The following NDST4 variants were observed in gnomAD, a reference collection of about 807,000 sequenced individuals.
The protein encoded by NDST4 is N-heparan sulfate sulfotransferase 4.
A neutral mutation model predicts 100.8 loss-of-function variants in NDST4; 63 were observed. That is an observed-to-expected ratio of 0.62 (90% CI 0.51 to 0.77). The LOEUF (loss-of-function observed/expected upper bound fraction) is 0.77, where lower values mean the gene tolerates loss of function less well. Ranked by LOEUF, NDST4 falls within the 30% of genes least tolerant of loss-of-function variation. The probability of loss-of-function intolerance (pLI) is 0.00; values close to 1 mark genes in which losing one functional copy is unlikely to be tolerated. For synonymous variants in NDST4, 377 were observed against 361.8 expected, an observed-to-expected ratio of 1.04 and a Z score of -0.48; for missense variants, 943 against 1,018.4, an observed-to-expected ratio of 0.93 and a Z score of 1.01.
chr4:115,063,655 A>G (rs516919), intron 2 of NDST4, among the ~76,000 whole-genome samples: 37,926 of 151,462 alleles, frequency 0.25, 6,534 homozygotes, highest in African/African-American at 0.46. Flanking sequence ...ATTAATTGTC[A>G]AATTAATTAC....
intron 2 of NDST4, among the ~76,000 whole-genome samples, chr4:115,074,982 A>G (rs1344424411): frequency 2.0e-5 from 3 of 152,142 alleles, no homozygotes; most frequent in East Asian, 3.9e-4. Flanking sequence ...TACTGCATCA[A>G]GATTGTTTAA....
At chr4:115,031,692 A>G (rs1728119553) in intron 2 of NDST4, among the ~76,000 whole-genome samples, 1 of 152,140 alleles carries the variant, frequency 6.6e-6, no homozygotes, top group Non-Finnish European at 1.5e-5. Flanking sequence ...TCCAAACAGA[A>G]GAGAGTGAAA....
chr4:114,962,591 T>C (rs1726287888), intron 4 of NDST4, among the ~76,000 whole-genome samples: 1 of 152,008 alleles, frequency 6.6e-6, no homozygotes, highest in Non-Finnish European at 1.5e-5. Context: ...ATACTTAGGA[T>C]TGTATTTGAT....
chr4:114,935,356 C>T (rs369943838), intron 5 of NDST4, 22 bp from the exon 6 acceptor site: 4 of 1,540,098 alleles, frequency 2.6e-6, no homozygotes, highest in Non-Finnish European at 3.5e-6. Flanking sequence ...AGGGGAAAAA[C>T]AGCACATGGA....
chr4:114,981,268 A>AG (rs1368222353), intron 2 of NDST4, among the ~76,000 whole-genome samples: 7 of 149,504 alleles, frequency 4.7e-5, no homozygotes, highest in South Asian at 2.1e-4. Context: ...GAAGGAAGGA[A>AG]GAAAGCAGGA....
At chr4:114,859,828 G>A (rs1020218) in intron 7 of NDST4, among the ~76,000 whole-genome samples, 19,804 of 152,102 alleles carry the variant, frequency 0.13, 1,877 homozygotes, top group African/African-American at 0.25. Flanking sequence ...CTCTTTTCCC[G>A]TCTTTTCAGT....
chr4:114,949,986 C>T (rs1403405602), intron 4 of NDST4, among the ~76,000 whole-genome samples: 1 of 151,958 alleles, frequency 6.6e-6, no homozygotes, highest in Non-Finnish European at 1.5e-5. Context: ...TGTAAGAATA[C>T]TGATTTAGAA....
chr4:114,935,368 G>A (rs201656452), intron 5 of NDST4, 34 bp from the exon 6 acceptor site: 79 of 1,505,258 alleles, frequency 5.2e-5, no homozygotes, highest in Middle Eastern at 1.8e-4. Context: ...GCACATGGAC[G>A]TGATTTAATT....
chr4:114,839,645 T>G, intron 10 of NDST4, 97 bp from the exon 11 acceptor site: 1 of 1,010,184 alleles, frequency 9.9e-7, no homozygotes, highest in Non-Finnish European at 1.5e-6. Context: ...GTGTGTTTGG[T>G]GTGTATGTAT....
At chr4:115,070,114 A>T (rs1157206818) in intron 2 of NDST4, among the ~76,000 whole-genome samples, 1 of 152,162 alleles carries the variant, frequency 6.6e-6, no homozygotes, top group Non-Finnish European at 1.5e-5. Context: ...ACAAAGACAC[A>T]TACATGCATA....
At chr4:115,105,879 G>A (rs1729823679) in intron 1 of NDST4, among the ~76,000 whole-genome samples, 1 of 152,018 alleles carries the variant, frequency 6.6e-6, no homozygotes. Context: ...TAACTATACT[G>A]CTCCCTTTTA....
At chr4:115,037,078 T>A (rs901471478) in intron 2 of NDST4, among the ~76,000 whole-genome samples, 1 of 152,020 alleles carries the variant, frequency 6.6e-6, no homozygotes, top group East Asian at 1.9e-4. Context: ...AGAGATTTCA[T>A]GAAAAGAGGA....
intron 6 of NDST4, among the ~76,000 whole-genome samples, chr4:114,895,412 A>G (rs978599815): frequency 6.6e-6 from 1 of 152,194 alleles, no homozygotes; most frequent in East Asian, 1.9e-4. Flanking sequence ...CTGGAGGCAT[A>G]CACCCTACCA....
At chr4:115,058,851 C>G (rs189826423) in intron 2 of NDST4, among the ~76,000 whole-genome samples, 3 of 152,076 alleles carry the variant, frequency 2.0e-5, no homozygotes, top group Admixed American at 6.6e-5. Context: ...GTAAGAAAAG[C>G]TTAGCATTAA....
chr4:114,885,545 T>C (rs1352298802), intron 6 of NDST4, among the ~76,000 whole-genome samples: 1 of 152,122 alleles, frequency 6.6e-6, no homozygotes, highest in Non-Finnish European at 1.5e-5. Flanking sequence ...CAAAGTAATT[T>C]GTGTGCCTGA....
At chr4:114,917,677 C>CATAAAAACA (rs2126217694) in intron 6 of NDST4, among the ~76,000 whole-genome samples, 1 of 152,092 alleles carries the variant, frequency 6.6e-6, no homozygotes, top group South Asian at 2.1e-4. Flanking sequence ...AAAATAAAAG[C>CATAAAAACA]ATAAAAACAC....
At chr4:114,860,319 C>A (rs1287468327) in intron 7 of NDST4, among the ~76,000 whole-genome samples, 1 of 152,128 alleles carries the variant, frequency 6.6e-6, no homozygotes, top group Non-Finnish European at 1.5e-5. Context: ...TTCACTGTGG[C>A]AGAGAAGGCT....
chr4:114,964,065 T>C (rs1726326193), intron 4 of NDST4, among the ~76,000 whole-genome samples: 1 of 152,146 alleles, frequency 6.6e-6, no homozygotes, highest in African/African-American at 2.4e-5. Flanking sequence ...AATAAAAGAC[T>C]CTGAATCAAT....
intron 7 of NDST4, among the ~76,000 whole-genome samples, chr4:114,864,081 C>A (rs1422023089): frequency 6.6e-6 from 1 of 152,010 alleles, no homozygotes; most frequent in Non-Finnish European, 1.5e-5. Context: ...TGCCTTTTTG[C>A]TACTAAAATT....
Sources: gnomAD v4.1 joint callset for allele counts (sites outside exome capture counted in the v4.1 genomes callset) on GRCh38, gnomAD v4.1.1 for gene constraint, MANE v1.5 for transcripts, NCBI Gene and HGNC (gene_info 2026-07-23, HGNC 2026-07-21) for gene names.